KLHDC10: variants seen among roughly 807,000 people sequenced by gnomAD.
KLHDC10 encodes kelch domain-containing protein 10.
KLHDC10 carries 24 observed loss-of-function variants against 56.1 expected under a neutral mutation model. The ratio of observed to expected loss-of-function variants is 0.43; its 90% CI spans 0.31 to 0.60. The LOEUF (loss-of-function observed/expected upper bound fraction) is 0.60, where lower values mean the gene tolerates loss of function less well. Among genes scored for constraint, KLHDC10 ranks in the 20% least tolerant of loss-of-function variants. The probability of loss-of-function intolerance (pLI) is 0.11; values close to 1 mark genes in which losing one functional copy is unlikely to be tolerated. For synonymous variants in KLHDC10, 188 were observed against 207.1 expected (o/e 0.91, Z 0.79); for missense variants, 349 against 567.0 (o/e 0.62, Z 3.91).
chr7:130,098,610 A>G (rs182774880), intron 2 of KLHDC10, among the ~76,000 whole-genome samples: 3 of 152,302 alleles, frequency 2.0e-5, no homozygotes, highest in East Asian at 1.9e-4. Context: ...TAGAATGCCA[A>G]TTTACCAATT....
At chr7:130,080,171 G>A (rs1795583694) in intron 1 of KLHDC10, among the ~76,000 whole-genome samples, 1 of 151,844 alleles carries the variant, frequency 6.6e-6, no homozygotes, top group Non-Finnish European at 1.5e-5. Flanking sequence ...CAAACTCCTG[G>A]CCTCCAGTCA....
At chr7:130,109,849 G>T (rs1011942233) in intron 2 of KLHDC10, among the ~76,000 whole-genome samples, 1 of 152,182 alleles carries the variant, frequency 6.6e-6, no homozygotes, top group South Asian at 2.1e-4. Context: ...ATGTTAGTCA[G>T]GCTGGTCTCA....
chr7:130,105,836 C>T (rs989250782), intron 2 of KLHDC10, among the ~76,000 whole-genome samples: 2 of 152,086 alleles, frequency 1.3e-5, no homozygotes, highest in Non-Finnish European at 2.9e-5. Context: ...ATGGTGGTTA[C>T]GTGTTCTCTT....
chr7:130,098,267 C>T (rs1318433422), intron 2 of KLHDC10, among the ~76,000 whole-genome samples: 6 of 151,984 alleles, frequency 3.9e-5, no homozygotes, highest in Non-Finnish European at 2.9e-5. Context: ...CCAAGGTGGG[C>T]AGATTGCTTG....
intron 1 of KLHDC10, among the ~76,000 whole-genome samples, chr7:130,082,008 C>T (rs1236578341): frequency 2.0e-5 from 3 of 152,166 alleles, no homozygotes; most frequent in Admixed American, 2.0e-4. Flanking sequence ...AATACAAACT[C>T]ATTAATTAAA....
chr7:130,082,539 A>AT (rs1331170210), intron 1 of KLHDC10, among the ~76,000 whole-genome samples: 3 of 152,082 alleles, frequency 2.0e-5, no homozygotes, highest in African/African-American at 4.8e-5. Flanking sequence ...AGGCTTGCTT[A>AT]TGTTTTCTGT....
rs1040926764 is a variant in KLHDC10 at position 130,134,251 on chromosome 7, A to C, written c.*3505A>C. ...AAAAGGAAAAGGAATAATCAGTAGGAGCTGACAACCAGTGACCATATAAGC... is the reference window on the plus strand; with the variant it reads ...AAAAGGAAAAGGAATAATCAGTAGGCGCTGACAACCAGTGACCATATAAGC... On this transcript the variant is annotated 3_prime_UTR_variant, in exon 10 of 10. Transcript: ENST00000335420. The C allele has an allele frequency of 6.6e-6, 1 of 152,202 alleles. No individual in the cohort carries two copies. The highest frequency in any genetic ancestry group is 1.5e-5 in the Non-Finnish European group (1 of 68,032). The allele number at this position is 152,202 out of a possible 1,614,324, so 9.4% of individuals were successfully genotyped here.
chr7:130,086,767 C>G (rs1041001892), intron 1 of KLHDC10, among the ~76,000 whole-genome samples: 1 of 152,070 alleles, frequency 6.6e-6, no homozygotes, highest in Non-Finnish European at 1.5e-5. Flanking sequence ...TAGCTTGTTT[C>G]TGGTTTCTGT....
intron 2 of KLHDC10, among the ~76,000 whole-genome samples, chr7:130,105,964 A>C (rs540293553): frequency 6.6e-6 from 1 of 152,256 alleles, no homozygotes; most frequent in East Asian, 1.9e-4. Flanking sequence ...AGCCTGACCA[A>C]CATGGTGAAA....
intron 2 of KLHDC10, among the ~76,000 whole-genome samples, chr7:130,110,698 C>A (rs1398956162): frequency 3.9e-5 from 6 of 152,062 alleles, no homozygotes; most frequent in Non-Finnish European, 8.8e-5. Flanking sequence ...GTAATTGTGG[C>A]CTTTACATTT....
intron 2 of KLHDC10, among the ~76,000 whole-genome samples, chr7:130,107,575 G>A (rs1796026348): frequency 6.6e-6 from 1 of 152,104 alleles, no homozygotes; most frequent in South Asian, 2.1e-4. Context: ...CAGGTGCCAT[G>A]GTTCACGCCT....
intron 8 of KLHDC10, among the ~76,000 whole-genome samples, chr7:130,128,889 A>AAAAAAAAAAAAAAAAAAAAATATATATAT: frequency 1.5e-5 from 1 of 66,954 alleles, no homozygotes; most frequent in Non-Finnish European, 2.8e-5. Flanking sequence ...AAAAAAAAAA[A>AAAAAAAAAAAAAAAAAAAAATATATATAT]ATATATATAT....
chr7:130,083,989 T>C (rs1339501234), intron 1 of KLHDC10, among the ~76,000 whole-genome samples: 1 of 152,224 alleles, frequency 6.6e-6, no homozygotes, highest in Non-Finnish European at 1.5e-5. Context: ...CCCACCCTTC[T>C]CTTTTCAACT....
At chr7:130,092,592 G>A (rs966154724) in intron 1 of KLHDC10, among the ~76,000 whole-genome samples, 5 of 152,054 alleles carry the variant, frequency 3.3e-5, no homozygotes, top group Non-Finnish European at 7.4e-5. Context: ...GTATCCCCAC[G>A]GGGTTCTACC....
At chr7:130,097,750 C>T (rs533205760) in intron 2 of KLHDC10, among the ~76,000 whole-genome samples, 2 of 152,282 alleles carry the variant, frequency 1.3e-5, no homozygotes, top group Non-Finnish European at 2.9e-5. Context: ...TTTTCTGAAA[C>T]CAGTTTGGTA....
intron 5 of KLHDC10, among the ~76,000 whole-genome samples, chr7:130,123,460 A>G (rs1472632773): frequency 1.3e-5 from 2 of 149,096 alleles, no homozygotes; most frequent in South Asian, 4.3e-4. Context: ...ACAGAGCAAG[A>G]CTCCGTCTCA....
chr7:130,096,494 A>G (rs1563100164), intron 1 of KLHDC10, among the ~76,000 whole-genome samples: 1 of 152,138 alleles, frequency 6.6e-6, no homozygotes, highest in Admixed American at 6.5e-5. Flanking sequence ...TCTTAACCAT[A>G]TAATTAATAT....
intron 6 of KLHDC10, 133 bp downstream of exon 6, chr7:130,124,668 G>A: frequency 8.8e-6 from 5 of 569,018 alleles, no homozygotes; most frequent in Non-Finnish European, 1.6e-5. Flanking sequence ...CCTATTTTGT[G>A]TTGGATGCAC....
intron 2 of KLHDC10, among the ~76,000 whole-genome samples, chr7:130,108,101 C>T (rs1421768661): frequency 6.7e-6 from 1 of 149,390 alleles, no homozygotes; most frequent in Non-Finnish European, 1.5e-5. Flanking sequence ...AGGTCGTGTG[C>T]GCCTGGAGTC....
Sources: gnomAD v4.1 joint callset for allele counts (sites outside exome capture counted in the v4.1 genomes callset) on GRCh38, gnomAD v4.1.1 for gene constraint, MANE v1.5 for transcripts, NCBI Gene and HGNC (gene_info 2026-07-23, HGNC 2026-07-21) for gene names.